PHACTR3: variants seen among roughly 807,000 people sequenced by gnomAD.
PHACTR3 encodes the protein phosphatase and actin regulator 3, also known as protein phosphatase 1, regulatory subunit 123.
PHACTR3 carries 16 observed loss-of-function variants against 66.8 expected under a neutral mutation model. The observed-to-expected ratio is 0.24, with a 90% confidence interval of 0.16 to 0.36. PHACTR3 has a LOEUF of 0.36. PHACTR3 is among the 10% of genes least tolerant of loss of function. The pLI, the probability that PHACTR3 is intolerant of heterozygous loss-of-function variation, is 1.00. For missense variants in PHACTR3, 647 were observed against 719.9 expected (o/e 0.90, Z 1.16); for synonymous variants, 323 against 292.1 (o/e 1.11, Z -1.08).
At chr20:59,782,639 G>C (rs1018702758) in intron 7 of PHACTR3, among the ~76,000 whole-genome samples, 1 of 152,142 alleles carries the variant, frequency 6.6e-6, no homozygotes, top group African/African-American at 2.4e-5. Flanking sequence ...TGAGAACCAC[G>C]CAAAAGGAGT....
rs184666471 is a variant in PHACTR3, at chr20:59,804,743, C to T, written c.1175-1298C>T. ...CTCTCTAAAACACATGGCAAACAAT[C>T]GCATGTTAGAAATTCAAGACTTGGC... On this transcript the variant is annotated intron_variant, in intron 7 of 12. Transcript: ENST00000371015. Among the ~76,000 whole-genome samples, 4 of 152,300 alleles carry T rather than the reference C, an allele frequency of 2.6e-5. No individual in the cohort carries two copies. In the East Asian group the frequency reaches 7.7e-4, roughly 29 times the overall value.
intron 3 of PHACTR3, among the ~76,000 whole-genome samples, chr20:59,753,395 A>C (rs1468909759): frequency 6.6e-6 from 1 of 152,182 alleles, no homozygotes; most frequent in Non-Finnish European, 1.5e-5. Context: ...AGCAGCGATG[A>C]CAAGCTCAAA....
chr20:59,703,704 A>AGT (rs11474250), intron 1 of PHACTR3, among the ~76,000 whole-genome samples: 12,946 of 151,046 alleles, frequency 0.086, 1,691 homozygotes, highest in African/African-American at 0.29. Flanking sequence ...TGTGTGTGTG[A>AGT]GTGTGTGTGT....
chr20:59,608,586 C>T (rs967497962), intron 1 of PHACTR3, among the ~76,000 whole-genome samples: 1 of 152,210 alleles, frequency 6.6e-6, no homozygotes, highest in Admixed American at 6.5e-5. Flanking sequence ...CGATGGTGGC[C>T]TCCTTCTTGT....
intron 1 of PHACTR3, among the ~76,000 whole-genome samples, chr20:59,701,647 C>T (rs1224855837): frequency 6.6e-6 from 1 of 152,224 alleles, no homozygotes; most frequent in Non-Finnish European, 1.5e-5. Context: ...TACCTCCTCT[C>T]CCCTTCCCAG....
intron 1 of PHACTR3, among the ~76,000 whole-genome samples, chr20:59,636,059 C>T (rs2034892212): frequency 6.6e-6 from 1 of 152,210 alleles, no homozygotes; most frequent in Non-Finnish European, 1.5e-5. Context: ...CTGGATCTTG[C>T]CCATCTTTCT....
chr20:59,717,042 A>G (rs1019108533), intron 1 of PHACTR3, among the ~76,000 whole-genome samples: 2 of 152,230 alleles, frequency 1.3e-5, no homozygotes, highest in African/African-American at 4.8e-5. Flanking sequence ...TGCAATTGAA[A>G]TTTATTATGC....
rs180867247 is a variant in PHACTR3, at chr20:59,701,084, G to A, written c.119-42023G>A. Among the ~76,000 whole-genome samples, 323 of 152,218 alleles carry A rather than the reference G, an allele frequency of 2.1e-3. 3 individuals carry two copies. The highest frequency in any genetic ancestry group is 7.4e-3 in the African/African-American group (309 of 41,526). ...TGTAATTACATGTGTGTACCATTGC[G>A]TCCAGCTCTTTTTCCTTTTTATAAC... On this transcript the variant is annotated intron_variant, in intron 1 of 12. Coordinates refer to ENST00000371015, the MANE Select transcript of PHACTR3 (RefSeq NM_080672.5).
intron 1 of PHACTR3, among the ~76,000 whole-genome samples, chr20:59,584,919 C>T (rs890505259): frequency 6.6e-6 from 1 of 152,198 alleles, no homozygotes; most frequent in Non-Finnish European, 1.5e-5. Flanking sequence ...GCCCCCACCC[C>T]CTCAGCAGCC....
rs1568711647 is a variant in PHACTR3, at chr20:59,686,751, GATGATGGTGATGATGATGGTGA to G, written c.119-56355_119-56334del. On this transcript the variant is annotated intron_variant, in intron 1 of 12. Transcript: ENST00000371015. ...TGATGATGGTGGTGATGATGGTGAT[GATGATGGTGATGATGATGGTGA>G]TGATGATGGTGATGATGATGGTGGT... Among the ~76,000 whole-genome samples, 74 of 149,196 alleles carry G rather than the reference GATGATGGTGATGATGATGGTGA, an allele frequency of 5.0e-4. 1 individual carries two copies. The East Asian group carries it at 0.014, about 28-fold the overall frequency.
chr20:59,734,485 T>A (rs1191073353), intron 1 of PHACTR3, among the ~76,000 whole-genome samples: 1 of 152,172 alleles, frequency 6.6e-6, no homozygotes, highest in African/African-American at 2.4e-5. Flanking sequence ...CTTGAACTCA[T>A]GCCCTCAAGC....
intron 1 of PHACTR3, among the ~76,000 whole-genome samples, chr20:59,611,660 C>T (rs908345303): frequency 4.6e-5 from 7 of 152,154 alleles, no homozygotes; most frequent in Admixed American, 4.6e-4. Context: ...CTACACTTTC[C>T]CACTCTCACC....
chr20:59,733,013 A>G (rs1309136946), intron 1 of PHACTR3, among the ~76,000 whole-genome samples: 1 of 151,736 alleles, frequency 6.6e-6, no homozygotes, highest in Admixed American at 6.6e-5. Flanking sequence ...ATAAGCTTTT[A>G]GGAATAGAGC....
At position 59,743,176 on chromosome 20, in the gene PHACTR3, G is replaced by A. The variant is rs2039235476; in HGVS notation, c.188G>A (p.Arg63Lys). ...TCAGGGATTCGAACTCCCCCTGTGA[G>A]GAGGAACAGCAAACTGGCCACCCTG... ...LVSGIRTPPV[R>K]RNSKLATLGR... The change falls in exon 2 of 13, where the codon AGG (arginine) becomes AAG (lysine). Residue 63 changes from arginine to lysine, a missense_variant. Physicochemically the swap from Arg to Lys is conservative, Grantham distance 26 (BLOSUM62 2). Around this residue, in one of 2 missense-constraint regions of PHACTR3, gnomAD observed 577 missense variants for 571.1 expected, o/e 1.01. Coordinates refer to ENST00000371015, the MANE Select transcript of PHACTR3 (RefSeq NM_080672.5). The A allele has an allele frequency of 1.2e-6, 2 of 1,613,960 alleles. No homozygotes were observed. The highest frequency in any genetic ancestry group is 2.7e-5 in the African/African-American group (2 of 74,922).
intron 11 of PHACTR3, chr20:59,844,756 T>C (rs1223754068): frequency 6.6e-6 from 1 of 152,304 alleles, no homozygotes; most frequent in African/African-American, 2.4e-5. Flanking sequence ...TAAGTTCTAA[T>C]GTTCTATAGC....
intron 1 of PHACTR3, among the ~76,000 whole-genome samples, chr20:59,715,872 A>T (rs1396234169): frequency 6.6e-6 from 1 of 152,118 alleles, no homozygotes; most frequent in Non-Finnish European, 1.5e-5. Flanking sequence ...ATTCATTTGT[A>T]TATTTATTTA....
intron 1 of PHACTR3, among the ~76,000 whole-genome samples, chr20:59,622,611 G>T (rs2034283713): frequency 6.6e-6 from 1 of 152,132 alleles, no homozygotes; most frequent in Admixed American, 6.5e-5. Flanking sequence ...CTCCCTGTTT[G>T]CTAGGGAGGC....
At chr20:59,735,192 C>T (rs1482989600) in intron 1 of PHACTR3, among the ~76,000 whole-genome samples, 1 of 152,108 alleles carries the variant, frequency 6.6e-6, no homozygotes, top group Non-Finnish European at 1.5e-5. Context: ...GGTTGCCTTA[C>T]ACTTTCTGTG....
At chr20:59,684,972 G>A (rs974364259) in intron 1 of PHACTR3, among the ~76,000 whole-genome samples, 24 of 152,116 alleles carry the variant, frequency 1.6e-4, no homozygotes, top group African/African-American at 5.8e-4. Context: ...CCGTGGCTCA[G>A]CTCTCACTCC....
Sources: gnomAD v4.1 joint callset for allele counts (sites outside exome capture counted in the v4.1 genomes callset) on GRCh38, gnomAD v4.1.1 for gene constraint, gnomAD v4.1.1 regional missense constraint, MANE v1.5 for transcripts, NCBI Gene and HGNC (gene_info 2026-07-23, HGNC 2026-07-21) for gene names.